The following FARSB variants were observed in gnomAD, a reference collection of about 807,000 sequenced individuals.
The protein encoded by FARSB is phenylalanine--tRNA ligase beta subunit.
FARSB carries 40 observed loss-of-function variants against 69.6 expected under a neutral mutation model. That is an observed-to-expected ratio of 0.57 (90% CI 0.45 to 0.75). The LOEUF is 0.75. Among genes scored for constraint, FARSB ranks in the 30% least tolerant of loss-of-function variants. FARSB has a pLI of 0.00. For synonymous variants in FARSB, 235 were observed against 247.2 expected (o/e 0.95, Z 0.46); for missense variants, 632 against 722.9 (o/e 0.87, Z 1.44).
At chr2:222,580,320 C>T (rs1238650329) in intron 16 of FARSB, among the ~76,000 whole-genome samples, 1 of 151,850 alleles carries the variant, frequency 6.6e-6, no homozygotes, top group African/African-American at 2.4e-5. Context: ...ATAAATAAGG[C>T]TTCTGTAAGC....
intron 13 of FARSB, 142 bp from the exon 14 acceptor site, chr2:222,619,879 C>T: frequency 7.9e-6 from 4 of 508,158 alleles, no homozygotes; most frequent in Non-Finnish European, 1.4e-5. Flanking sequence ...CTGGTGTGAG[C>T]TGAAGTAAAT....
At chr2:222,655,981 A>G in intron 1 of FARSB, 35 bp downstream of exon 1, 4 of 1,525,092 alleles carry the variant, frequency 2.6e-6, no homozygotes, top group Non-Finnish European at 3.6e-6. Flanking sequence ...CTCCGAGAAG[A>G]GGCGTAGGGC....
rs747770664 is a variant in FARSB, at chr2:222,571,939, C to T, written c.1702G>A (p.Val568Ile). The T allele has an allele frequency of 1.3e-5, 21 of 1,613,598 alleles. No homozygotes were observed. The highest frequency in any genetic ancestry group is 1.6e-4 in the Middle Eastern group (1 of 6,066). Residue 568 changes from valine (V) to isoleucine (I), a missense_variant, in exon 17 of 17, where the codon GTT becomes ATT. By Grantham distance (29) the Val-to-Ile change is conservative. Coordinates refer to ENST00000281828, the MANE Select transcript of FARSB (RefSeq NM_005687.5). ...ATGGTCAGCTCAAATTTGGTGATAA[C>T]GTCAGGATGAAGGACCCCAAGCTTC... is the stretch of plus-strand genomic sequence containing the variant. ...VGKLGVLHPDVITKFELTMPC... is the reference protein window; with the variant it reads ...VGKLGVLHPDIITKFELTMPC...
intron 8 of FARSB, among the ~76,000 whole-genome samples, chr2:222,630,909 A>G (rs1189669086): frequency 1.3e-5 from 2 of 152,174 alleles, no homozygotes; most frequent in African/African-American, 4.8e-5. Flanking sequence ...ATGGTCTCTA[A>G]TCCTATAAGA....
At chr2:222,616,854 T>C (rs1205616062) in intron 14 of FARSB, among the ~76,000 whole-genome samples, 3 of 152,144 alleles carry the variant, frequency 2.0e-5, no homozygotes, top group Admixed American at 1.3e-4. Flanking sequence ...ACCATAAATA[T>C]AAACCTCTTA....
chr2:222,644,612 T>A, intron 2 of FARSB: 1 of 423,458 alleles, frequency 2.4e-6, no homozygotes, highest in Non-Finnish European at 4.8e-6. Flanking sequence ...TGAAGGCATC[T>A]GCATTCATTT....
Position 222,634,261 on chromosome 2 carries a change from T to A in FARSB, c.606+130A>T, listed in dbSNP as rs577996254. 27 of 547,570 alleles carry A rather than the reference T, an allele frequency of 4.9e-5. No individual in the cohort carries two copies. In the Admixed American group the frequency reaches 8.1e-4, roughly 16 times the overall value. 33.9% of individuals were successfully genotyped at this position (547,570 alleles called of 1,614,324 possible). ...CCACTCTAGATCAGATGAATCACTG[T>A]CTCTAGGTTGGAGTCCAGACACTGC... On this transcript the variant is annotated intron_variant, in intron 6 of 16. Coordinates refer to ENST00000281828, the MANE Select transcript of FARSB (RefSeq NM_005687.5).
intron 16 of FARSB, among the ~76,000 whole-genome samples, chr2:222,579,275 C>A (rs1689911655): frequency 6.6e-6 from 1 of 152,202 alleles, no homozygotes. Flanking sequence ...GTCAAGCTGT[C>A]CATTTCGTGT....
At chr2:222,630,944 C>T (rs1691406761) in intron 8 of FARSB, among the ~76,000 whole-genome samples, 1 of 152,168 alleles carries the variant, frequency 6.6e-6, no homozygotes, top group African/African-American at 2.4e-5. Context: ...ATTTATTTGC[C>T]CTATTTCTAT....
chr2:222,648,812 G>A lies in FARSB; in HGVS notation c.59-17C>T, dbSNP rs1475314741. ...CTTCGTCAGCTAGGAAAATAAAAAA[G>A]GAGATGGTTAATTTCACTCTGTTCA... On this transcript the variant is annotated splice_polypyrimidine_tract_variant and intron_variant, in intron 1 of 16. Coordinates refer to ENST00000281828, the MANE Select transcript of FARSB (RefSeq NM_005687.5). 1 of 1,564,930 alleles carries A rather than the reference G, an allele frequency of 6.4e-7. No individual in the cohort carries two copies. The highest frequency in any genetic ancestry group is 1.7e-5 in the Admixed American group (1 of 59,960).
chr2:222,630,237 A>G (rs938552853), intron 8 of FARSB, 63 bp from the exon 9 acceptor site: 18 of 800,958 alleles, frequency 2.2e-5, no homozygotes, highest in African/African-American at 3.7e-5. Context: ...TCAGATGGAA[A>G]TGAATTAATA....
At chr2:222,632,474 A>G (rs1229328808) in intron 7 of FARSB, among the ~76,000 whole-genome samples, 1 of 152,182 alleles carries the variant, frequency 6.6e-6, no homozygotes, top group Non-Finnish European at 1.5e-5. Flanking sequence ...CAAGATCTTG[A>G]GAAGAAGCTT....
chr2:222,608,029 A>C (rs752657931), intron 15 of FARSB, among the ~76,000 whole-genome samples: 1 of 152,208 alleles, frequency 6.6e-6, no homozygotes, highest in Non-Finnish European at 1.5e-5. Flanking sequence ...GATCTTAACT[A>C]TGTGGAACCA....
chr2:222,639,067 T>C (rs1044366969), intron 5 of FARSB, among the ~76,000 whole-genome samples: 1 of 152,234 alleles, frequency 6.6e-6, no homozygotes, highest in Non-Finnish European at 1.5e-5. Flanking sequence ...AAATTATGCA[T>C]AGTAATGTAA....
intron 5 of FARSB, among the ~76,000 whole-genome samples, chr2:222,637,952 A>G (rs996668598): frequency 6.6e-6 from 1 of 152,152 alleles, no homozygotes; most frequent in African/African-American, 2.4e-5. Context: ...ACTGGACTCC[A>G]GCCTGGACAA....
chr2:222,592,081 T>C (rs1444603901), intron 16 of FARSB, among the ~76,000 whole-genome samples: 1 of 152,136 alleles, frequency 6.6e-6, no homozygotes, highest in Non-Finnish European at 1.5e-5. Context: ...TAAAATATGA[T>C]TTGTAAGTGA....
chr2:222,624,661 AT>A, intron 11 of FARSB, 52 bp downstream of exon 11: 1 of 1,240,410 alleles, frequency 8.1e-7, no homozygotes, highest in Non-Finnish European at 1.2e-6. Flanking sequence ...CAAAAAAAAA[AT>A]TAGTCATACG....
At chr2:222,655,707 C>T (rs1692156892) in intron 1 of FARSB, among the ~76,000 whole-genome samples, 1 of 152,246 alleles carries the variant, frequency 6.6e-6, no homozygotes, top group Non-Finnish European at 1.5e-5. Flanking sequence ...GGGATGCAAC[C>T]CCGGGTTTCC....
At chr2:222,637,051 T>G (rs1691600096) in intron 5 of FARSB, among the ~76,000 whole-genome samples, 1 of 152,102 alleles carries the variant, frequency 6.6e-6, no homozygotes, top group African/African-American at 2.4e-5. Flanking sequence ...AAGAAGGAAC[T>G]ATTTTTTTTA....
Sources: gnomAD v4.1 joint callset for allele counts (sites outside exome capture counted in the v4.1 genomes callset) on GRCh38, gnomAD v4.1.1 for gene constraint, MANE v1.5 for transcripts, NCBI Gene and HGNC (gene_info 2026-07-23, HGNC 2026-07-21) for gene names.